The following KDM2B variants were observed in gnomAD, a reference collection of about 807,000 sequenced individuals.
KDM2B encodes the protein lysine-specific demethylase 2B.
In KDM2B, 26 loss-of-function variants were observed where a neutral mutation model predicts 150.0. That is an observed-to-expected ratio of 0.17 (90% CI 0.13 to 0.24). The LOEUF is 0.24. KDM2B is among the 10% of genes least tolerant of loss of function. The pLI is 1.00. For missense variants in KDM2B, 1,265 were observed against 1,816.9 expected, an observed-to-expected ratio of 0.70 and a Z score of 5.52; for synonymous variants, 734 against 729.5, an observed-to-expected ratio of 1.01 and a Z score of -0.10.
intron 4 of KDM2B, among the ~76,000 whole-genome samples, chr12:121,554,783 A>G (rs1312671795): frequency 6.6e-6 from 1 of 152,230 alleles, no homozygotes; most frequent in Non-Finnish European, 1.5e-5. Context: ...TCACATGCAC[A>G]CAGGTATTAA....
intron 8 of KDM2B, among the ~76,000 whole-genome samples, chr12:121,529,928 CA>C (rs782115700): frequency 0.016 from 1,600 of 97,868 alleles, 17 homozygotes; most frequent in African/African-American, 0.043. Context: ...GACTCTGTCT[CA>C]AAAAAAAAAA....
chr12:121,516,693 C>T (rs558245244), intron 9 of KDM2B: 22 of 625,758 alleles, frequency 3.5e-5, no homozygotes, highest in African/African-American at 9.2e-5. Flanking sequence ...GCCCACTCAG[C>T]GGCACCTGGC....
intron 12 of KDM2B, among the ~76,000 whole-genome samples, chr12:121,488,212 C>T (rs1882983375): frequency 6.6e-6 from 1 of 152,200 alleles, no homozygotes; most frequent in African/African-American, 2.4e-5. Flanking sequence ...TTTGCACAAG[C>T]AAATGATAAT....
chr12:121,568,532 C>T (rs187206792), intron 4 of KDM2B, among the ~76,000 whole-genome samples: 3 of 152,214 alleles, frequency 2.0e-5, no homozygotes, highest in Non-Finnish European at 2.9e-5. Context: ...CTACACACAA[C>T]AAACAATATG....
chr12:121,496,649 C>T (rs1883976771), intron 11 of KDM2B, among the ~76,000 whole-genome samples: 1 of 152,144 alleles, frequency 6.6e-6, no homozygotes, highest in Non-Finnish European at 1.5e-5. Flanking sequence ...TGCGTAACAC[C>T]AAGCCCAGCT....
chr12:121,412,242 T>C, the KDM2B span, among the ~76,000 whole-genome samples: 3 of 128,508 alleles, frequency 2.3e-5, no homozygotes, highest in African/African-American at 6.3e-5. Flanking sequence ...TTTTTTTTTT[T>C]TTTTTTTTTT....
At chr12:121,519,533 A>G (rs1462568576) in intron 9 of KDM2B, among the ~76,000 whole-genome samples, 1 of 152,252 alleles carries the variant, frequency 6.6e-6, no homozygotes, top group African/African-American at 2.4e-5. Flanking sequence ...CAGACACAAA[A>G]GGCCACATGT....
chr12:121,506,919 A>C (rs1555303028), intron 11 of KDM2B, among the ~76,000 whole-genome samples: 1 of 149,006 alleles, frequency 6.7e-6, no homozygotes, highest in African/African-American at 2.5e-5. Flanking sequence ...CTGGGCATCA[A>C]GAGTGAAACT....
At chr12:121,476,775 C>T (rs1881432287) in intron 12 of KDM2B, among the ~76,000 whole-genome samples, 1 of 152,174 alleles carries the variant, frequency 6.6e-6, no homozygotes, top group Admixed American at 6.5e-5. Context: ...CCTCTCTCTT[C>T]AGTTACCATT....
intron 8 of KDM2B, among the ~76,000 whole-genome samples, chr12:121,532,552 G>C (rs1887748539): frequency 6.6e-6 from 1 of 152,232 alleles, no homozygotes; most frequent in Admixed American, 6.5e-5. Flanking sequence ...CCTGCACAGG[G>C]ATTCGAGTCT....
intron 16 of KDM2B, 59 bp downstream of exon 16, chr12:121,443,953 C>T (rs1875658913): frequency 1.2e-5 from 19 of 1,557,698 alleles, no homozygotes; most frequent in Non-Finnish European, 1.6e-5. Flanking sequence ...TCCCTCCAAC[C>T]CAGCACCCGG....
intron 6 of KDM2B, chr12:121,535,995 C>G: frequency 3.1e-6 from 3 of 960,366 alleles, no homozygotes; most frequent in Non-Finnish European, 3.7e-6. Flanking sequence ...CTCCGGAGCC[C>G]GCAACACATG....
At chr12:121,527,074 G>A (rs1228939029) in intron 8 of KDM2B, among the ~76,000 whole-genome samples, 3 of 151,738 alleles carry the variant, frequency 2.0e-5, no homozygotes, top group Non-Finnish European at 4.4e-5. Flanking sequence ...TTGAGACGGA[G>A]TCTCGCTCTG....
At chr12:121,561,337 A>G (rs1555313800) in intron 4 of KDM2B, among the ~76,000 whole-genome samples, 1 of 151,934 alleles carries the variant, frequency 6.6e-6, no homozygotes, top group African/African-American at 2.4e-5. Context: ...GCATCCTCAC[A>G]TTTCTGGACT....
chr12:121,555,708 T>G (rs1467317438), intron 4 of KDM2B, among the ~76,000 whole-genome samples: 1 of 152,098 alleles, frequency 6.6e-6, no homozygotes, highest in Non-Finnish European at 1.5e-5. Context: ...AAGTAAGTGA[T>G]ATAGTTTGGA....
At chr12:121,561,900 G>A (rs532547196) in intron 4 of KDM2B, among the ~76,000 whole-genome samples, 13 of 152,192 alleles carry the variant, frequency 8.5e-5, no homozygotes, top group Non-Finnish European at 1.3e-4. Flanking sequence ...GGCCGGGAGC[G>A]GTGGCTCATG....
intron 4 of KDM2B, among the ~76,000 whole-genome samples, chr12:121,556,101 T>C (rs1889874194): frequency 6.6e-6 from 1 of 152,012 alleles, no homozygotes; most frequent in Non-Finnish European, 1.5e-5. Context: ...TAATTTTTTG[T>C]ATTTTAGTAG....
At chr12:121,440,793 A>T in intron 21 of KDM2B, 23 bp downstream of exon 21, 2 of 1,586,758 alleles carry the variant, frequency 1.3e-6, no homozygotes, top group Non-Finnish European at 1.7e-6. Context: ...ACCCCCACAG[A>T]AACCCCCAGC....
chr12:121,444,198 C>A lies in KDM2B; in HGVS notation c.2265G>T (p.Arg755=). ...CAGGTTCCTGCCCTTCCTTGTTGTC[C>A]CGGTTCATCTTCTGCTCCTTGAGCA... The part of the protein sequence containing the change: ...GSLLKEQKMN[R]DNKEGQEPAK... The change falls in exon 16 of 23, where the codon CGG becomes CGT. Residue 755 remains arginine (R), a synonymous_variant. Coordinates refer to ENST00000377071, the MANE Select transcript of KDM2B (RefSeq NM_032590.5). 2.5e-6 allele frequency: 4 copies of A among 1,613,170 alleles called. No homozygotes were observed. Among genetic ancestry groups the A allele is most frequent in the Non-Finnish European group, 3.4e-6 (4 of 1,180,036 alleles).
Sources: allele counts gnomAD v4.1 joint callset (sites outside exome capture counted in the v4.1 genomes callset), GRCh38; gene constraint gnomAD v4.1.1; transcripts MANE v1.5; gene names NCBI Gene and HGNC (gene_info 2026-07-23, HGNC 2026-07-21).